The following CANX variants were observed in gnomAD, a reference collection of about 807,000 sequenced individuals.
CANX encodes epididymis secretory sperm binding protein.
A neutral mutation model predicts 75.7 loss-of-function variants in CANX; 14 were observed. The observed-to-expected ratio is 0.19, with a 90% CI of 0.12 to 0.29. The LOEUF is 0.29. CANX is among the 10% of genes least tolerant of loss of function. The probability of loss-of-function intolerance (pLI) is 1.00; values close to 1 mark genes in which losing one functional copy is unlikely to be tolerated. For missense variants in CANX, 567 were observed against 713.2 expected (o/e 0.79, Z 2.34); for synonymous variants, 227 against 236.9 (o/e 0.96, Z 0.38).
chr5:179,709,232 G>A (rs930998516), intron 6 of CANX, among the ~76,000 whole-genome samples, 173 bp downstream of exon 6: 1 of 152,074 alleles, frequency 6.6e-6, no homozygotes, highest in Non-Finnish European at 1.5e-5. Context: ...GGCTAACATG[G>A]TGAAACCCCA....
intron 8 of CANX, among the ~76,000 whole-genome samples, chr5:179,717,402 A>C (rs1039480092): frequency 1.3e-5 from 2 of 152,156 alleles, no homozygotes; most frequent in African/African-American, 4.8e-5. Context: ...AGCAACCACT[A>C]ACCTGCTTTC....
upstream of CANX, among the ~76,000 whole-genome samples, chr5:179,697,905 A>G (rs1776456496): frequency 1.3e-5 from 2 of 152,066 alleles, no homozygotes; most frequent in South Asian, 4.2e-4. Flanking sequence ...TAAAAATAAA[A>G]AAAATTTGGG....
intron 7 of CANX, 53 bp from the exon 8 acceptor site, chr5:179,716,051 TA>T: frequency 3.9e-6 from 5 of 1,282,182 alleles, no homozygotes; most frequent in Non-Finnish European, 4.5e-6. Context: ...TGTATTATGG[TA>T]AAGGGAGCTT....
Position 179,709,902 on chromosome 5 carries a change from G to T in CANX, c.558G>T (p.Thr186=). 3 of 1,604,882 alleles carry T rather than the reference G, an allele frequency of 1.9e-6. No individual in the cohort carries two copies. The highest frequency in any genetic ancestry group is 2.5e-6 in the Non-Finnish European group (3 of 1,177,058). The change falls in exon 7 of 15, where the codon ACG becomes ACT. Residue 186 remains threonine, a synonymous_variant. Transcript: ENST00000247461. ...LDQFHDKTPY[T]IMFGPDKCGE... is the part of the protein sequence containing the mutation. ...AGTTCCATGACAAGACCCCTTATAC[G>T]ATTATGTTTGGTCCAGATAAATGTG... is the stretch of plus-strand genomic sequence containing the variant.
chr5:179,724,866 T>G, intron 13 of CANX, 83 bp downstream of exon 13: 2 of 1,498,640 alleles, frequency 1.3e-6, no homozygotes, highest in South Asian at 1.3e-5. Context: ...TAAGGATTGT[T>G]TTTAGCCAGG....
chr5:179,712,970 T>C (rs1030405924), intron 7 of CANX, among the ~76,000 whole-genome samples: 1 of 151,772 alleles, frequency 6.6e-6, no homozygotes, highest in Non-Finnish European at 1.5e-5. Context: ...GGTTTCACCA[T>C]GTTGGCCAGG....
chr5:179,687,008 C>T (rs1423914924), intron 1 of CANX, among the ~76,000 whole-genome samples: 2 of 152,156 alleles, frequency 1.3e-5, no homozygotes, highest in Non-Finnish European at 2.9e-5. Flanking sequence ...AACTCCTGAC[C>T]TCAGGTAATC....
chr5:179,697,252 A>G (rs1776427919), upstream of CANX, among the ~76,000 whole-genome samples: 1 of 151,892 alleles, frequency 6.6e-6, no homozygotes, highest in Non-Finnish European at 1.5e-5. Flanking sequence ...TTGTAGAGAC[A>G]GGGGTCTCAC....
chr5:179,716,409 AG>A, intron 8 of CANX, 115 bp downstream of exon 8: 1 of 716,050 alleles, frequency 1.4e-6, no homozygotes, highest in Admixed American at 2.8e-5. Flanking sequence ...TCCATGATGC[AG>A]TCTAATCTGT....
At chr5:179,715,061 G>A (rs532712772) in intron 7 of CANX, among the ~76,000 whole-genome samples, 64 of 152,248 alleles carry the variant, frequency 4.2e-4, no homozygotes, top group East Asian at 1.5e-3. Flanking sequence ...CACCACACCC[G>A]TTTCTTAACA....
intron 7 of CANX, among the ~76,000 whole-genome samples, chr5:179,710,900 A>G (rs1288230668): frequency 6.6e-6 from 1 of 151,452 alleles, no homozygotes; most frequent in Non-Finnish European, 1.5e-5. Context: ...TAAAAATACA[A>G]AAATTAGCTG....
intron 7 of CANX, chr5:179,715,824 G>GTTTT: frequency 1.7e-5 from 6 of 356,176 alleles, no homozygotes; most frequent in South Asian, 5.1e-5. Context: ...TGTTTTTTTT[G>GTTTT]TTTTTTTTTT....
chr5:179,706,755 C>T (rs1777167714), intron 3 of CANX, among the ~76,000 whole-genome samples: 1 of 152,136 alleles, frequency 6.6e-6, no homozygotes, highest in Non-Finnish European at 1.5e-5. Flanking sequence ...CCGCACCTGG[C>T]CTGAAATTTC....
upstream of CANX, among the ~76,000 whole-genome samples, chr5:179,697,764 G>C (rs1278244177): frequency 1.3e-5 from 2 of 152,092 alleles, no homozygotes; most frequent in Non-Finnish European, 1.5e-5. Context: ...GGTGGCGGGC[G>C]CCTGTAATCC....
intron 2 of CANX, 62 bp from the exon 3 acceptor site, chr5:179,706,196 C>T: frequency 8.5e-6 from 8 of 936,828 alleles, no homozygotes; most frequent in South Asian, 1.4e-5. Context: ...AGAATAGATT[C>T]TAGATAAAAA....
Position 179,723,759 on chromosome 5 carries a change from C to G in CANX, c.1498C>G (p.Leu500Val). Reference sequence around the variant, plus strand: ...AGCCCTTCCTGTGTTCCTGGTTATCCTCTTCTGCTGTTCTGGAAAGGTAGG... The same window carrying G: ...AGCCCTTCCTGTGTTCCTGGTTATCGTCTTCTGCTGTTCTGGAAAGGTAGG... Reference protein sequence around the residue: ...TVALPVFLVILFCCSGKKQTS... With the variant: ...TVALPVFLVIVFCCSGKKQTS... The change falls in exon 12 of 15, where the codon CTC becomes GTC. Residue 500 changes from leucine (L) to valine (V), a missense_variant. Leu to Val is a conservative substitution (Grantham distance 32). Around this residue, in one of 3 missense-constraint regions of CANX, gnomAD observed 167 missense variants for 179.3 expected, o/e 0.93. Coordinates refer to ENST00000247461, the MANE Select transcript of CANX (RefSeq NM_001746.4). 2 of 1,611,882 alleles carry G rather than the reference C, an allele frequency of 1.2e-6. No individual in the cohort carries two copies. Among genetic ancestry groups the G allele is most frequent in the Non-Finnish European group, 1.7e-6 (2 of 1,179,006 alleles).
At chr5:179,694,713 A>G (rs1581825094), upstream of CANX, 1 of 673,790 alleles carries the variant, frequency 1.5e-6, no homozygotes, top group East Asian at 2.7e-5. Context: ...AGTTGCCTGG[A>G]AAAAGGTGGA....
chr5:179,713,762 T>C (rs1777735965), intron 7 of CANX, among the ~76,000 whole-genome samples: 1 of 146,428 alleles, frequency 6.8e-6, no homozygotes, highest in African/African-American at 2.5e-5. Flanking sequence ...TACAAAAAAA[T>C]AATTATTCAG....
At chr5:179,698,635 C>A (rs1221827282), upstream of CANX, 2 of 1,244,316 alleles carry the variant, frequency 1.6e-6, no homozygotes, top group Non-Finnish European at 2.1e-6. Flanking sequence ...GTTGGAACGC[C>A]CCGAAGGCAC....
Sources: allele counts gnomAD v4.1 joint callset (sites outside exome capture counted in the v4.1 genomes callset), GRCh38; gene constraint gnomAD v4.1.1; regional missense constraint gnomAD v4.1.1; transcripts MANE v1.5; gene names NCBI Gene and HGNC (gene_info 2026-07-23, HGNC 2026-07-21).